SDAD1: variants seen among roughly 807,000 people sequenced by gnomAD.
The protein encoded by SDAD1 is protein SDA1 homolog.
A neutral mutation model predicts 100.3 loss-of-function variants in SDAD1; 79 were observed. That is an observed-to-expected ratio of 0.79 (90% CI 0.66 to 0.95). The LOEUF is 0.95. Among genes scored for constraint, SDAD1 ranks in the 40% least tolerant of loss-of-function variants. SDAD1 has a pLI of 0.00. For missense variants in SDAD1, 790 were observed against 810.9 expected, an observed-to-expected ratio of 0.97 and a Z score of 0.31; for synonymous variants, 267 against 271.4, an observed-to-expected ratio of 0.98 and a Z score of 0.16.
chr4:75,987,248 A>T (rs1730956983), intron 1 of SDAD1, among the ~76,000 whole-genome samples: 1 of 152,176 alleles, frequency 6.6e-6, no homozygotes, highest in Non-Finnish European at 1.5e-5. Context: ...GTTTTTCATC[A>T]TCACCAAAAG....
intron 20 of SDAD1, 72 bp from the exon 21 acceptor site, chr4:75,956,208 T>A: frequency 1.4e-6 from 2 of 1,478,412 alleles, no homozygotes; most frequent in Non-Finnish European, 1.8e-6. Flanking sequence ...AACATTAATG[T>A]CTCCTCTGTG....
chr4:75,951,312 T>C (rs1272933953), intron 21 of SDAD1, among the ~76,000 whole-genome samples: 1 of 152,188 alleles, frequency 6.6e-6, no homozygotes, highest in Non-Finnish European at 1.5e-5. Context: ...TCTATCAATA[T>C]AAAATCTGAA....
At chr4:75,953,304 AG>A (rs1728713849) in intron 21 of SDAD1, among the ~76,000 whole-genome samples, 1 of 152,192 alleles carries the variant, frequency 6.6e-6, no homozygotes, top group Admixed American at 6.5e-5. Context: ...TAAAAAACAA[AG>A]GAAGTAGGGG....
chr4:75,981,341 C>A (rs1345462266), intron 3 of SDAD1, 31 bp downstream of exon 3: 4 of 1,603,112 alleles, frequency 2.5e-6, no homozygotes, highest in African/African-American at 1.3e-5. Flanking sequence ...ATGAACACAG[C>A]ACAATTTATT....
intron 4 of SDAD1, among the ~76,000 whole-genome samples, 199 bp downstream of exon 4, chr4:75,977,447 A>C (rs565544641): frequency 7.2e-5 from 11 of 152,210 alleles, no homozygotes; most frequent in Non-Finnish European, 1.6e-4. Context: ...GAGTAAATAC[A>C]CAAAGCTCTG....
At chr4:75,978,357 T>C (rs1730276535) in intron 3 of SDAD1, among the ~76,000 whole-genome samples, 1 of 134,258 alleles carries the variant, frequency 7.4e-6, no homozygotes, top group Non-Finnish European at 1.6e-5. Context: ...TACCCAGCTA[T>C]TTTTTTTTTT....
At chr4:75,983,364 C>G (rs1437595697) in intron 1 of SDAD1, among the ~76,000 whole-genome samples, 1 of 152,204 alleles carries the variant, frequency 6.6e-6, no homozygotes, top group Non-Finnish European at 1.5e-5. Context: ...TGAGGAATTG[C>G]CACACTGTCT....
intron 11 of SDAD1, among the ~76,000 whole-genome samples, chr4:75,967,838 A>C (rs560221643): frequency 6.6e-6 from 1 of 152,320 alleles, no homozygotes; most frequent in East Asian, 1.9e-4. Flanking sequence ...AACCACATGG[A>C]AGGAGTTACT....
chr4:75,955,572 GA>G (rs1307251556), intron 21 of SDAD1, among the ~76,000 whole-genome samples: 1 of 152,182 alleles, frequency 6.6e-6, no homozygotes, highest in Non-Finnish European at 1.5e-5. Context: ...CCCTGTCTCA[GA>G]AAACCAGGCA....
At chr4:75,978,809 C>G (rs1730302812) in intron 3 of SDAD1, among the ~76,000 whole-genome samples, 2 of 148,838 alleles carry the variant, frequency 1.3e-5, no homozygotes, top group Non-Finnish European at 3.0e-5. Flanking sequence ...GACCTTGTCT[C>G]TACACAAAAA....
At chr4:75,959,632 T>C (rs1369219914) in intron 17 of SDAD1, among the ~76,000 whole-genome samples, 1 of 151,742 alleles carries the variant, frequency 6.6e-6, no homozygotes, top group Non-Finnish European at 1.5e-5. Context: ...TGCTGAATAA[T>C]GAATGAATGG....
chr4:75,974,142 A>C lies in SDAD1; in HGVS notation c.579-9T>G. ...CAGTTTTTGCATCATTCCTGGGGGAAGACAATGAATGCTTTGAAGTAAATT... is the reference window on the plus strand; with the variant it reads ...CAGTTTTTGCATCATTCCTGGGGGACGACAATGAATGCTTTGAAGTAAATT... On this transcript the variant is annotated splice_polypyrimidine_tract_variant and intron_variant, in intron 6 of 21. Transcript: ENST00000356260. 6.2e-7 allele frequency: 1 copy of C among 1,612,272 alleles called. No individual in the cohort carries two copies. Among genetic ancestry groups the C allele is most frequent in the Non-Finnish European group, 8.5e-7 (1 of 1,178,480 alleles).
At position 75,967,266 on chromosome 4, in the gene SDAD1, T is replaced by C; in HGVS notation, c.1045+11A>G. On this transcript the variant is annotated intron_variant, in intron 12 of 21. Transcript: ENST00000356260. ...AAGGCCACCAAAGAAACATGGCAAGTGGCAGCTTACCTCTTTGGTGGGGCT... is the reference window on the plus strand; with the variant it reads ...AAGGCCACCAAAGAAACATGGCAAGCGGCAGCTTACCTCTTTGGTGGGGCT... The C allele has an allele frequency of 6.2e-7, 1 of 1,613,102 alleles. No individual in the cohort carries two copies. Among genetic ancestry groups the C allele is most frequent in the Non-Finnish European group, 8.5e-7 (1 of 1,179,082 alleles).
chr4:75,964,929 C>T (rs185070173), intron 13 of SDAD1, among the ~76,000 whole-genome samples: 8 of 152,098 alleles, frequency 5.3e-5, no homozygotes, highest in Admixed American at 5.2e-4. Context: ...GCCTCAGGAC[C>T]CTGTGATGAT....
chr4:75,958,871 G>A (rs915779099), intron 17 of SDAD1, among the ~76,000 whole-genome samples: 15 of 151,274 alleles, frequency 9.9e-5, no homozygotes, highest in African/African-American at 2.7e-4. Flanking sequence ...GCTGAGGCGG[G>A]CGGATCACAA....
intron 8 of SDAD1, among the ~76,000 whole-genome samples, chr4:75,973,047 T>C (rs1435850569): frequency 6.6e-6 from 1 of 152,102 alleles, no homozygotes; most frequent in Non-Finnish European, 1.5e-5. Context: ...GTGACAATTT[T>C]CATCCTAAAT....
chr4:75,953,746 T>C (rs1361500443), intron 21 of SDAD1, among the ~76,000 whole-genome samples: 1 of 152,242 alleles, frequency 6.6e-6, no homozygotes, highest in East Asian at 1.9e-4. Context: ...TTAGGAACAC[T>C]GATTCACAAT....
rs1435626494 is a variant in SDAD1 at position 75,961,023 on chromosome 4, C to T, written c.1356+5G>A. Reference sequence around the variant, plus strand: ...TTTAGACCAACATAAGTGTGCTTTACCTACCCGGAATTTCTTCTGCAGCAT... The same window carrying T: ...TTTAGACCAACATAAGTGTGCTTTATCTACCCGGAATTTCTTCTGCAGCAT... On this transcript the variant is annotated splice_donor_5th_base_variant and intron_variant, in intron 16 of 21. Coordinates refer to ENST00000356260, the MANE Select transcript of SDAD1 (RefSeq NM_018115.4). 1.2e-6 allele frequency: 2 copies of T among 1,612,956 alleles called. No homozygotes were observed. The highest frequency in any genetic ancestry group is 1.1e-5 in the South Asian group (1 of 91,050).
intron 3 of SDAD1, among the ~76,000 whole-genome samples, chr4:75,980,479 T>C (rs1447757573): frequency 2.0e-5 from 3 of 152,252 alleles, no homozygotes; most frequent in African/African-American, 7.2e-5. Context: ...TAAAGAGGTT[T>C]GAAAAGCAGA....
Sources: gnomAD v4.1 joint callset for allele counts (sites outside exome capture counted in the v4.1 genomes callset) on GRCh38, gnomAD v4.1.1 for gene constraint, MANE v1.5 for transcripts, NCBI Gene and HGNC (gene_info 2026-07-23, HGNC 2026-07-21) for gene names.